The following DST variants were observed in gnomAD, a reference collection of about 807,000 sequenced individuals.
The protein encoded by DST is dystonin, also known as bullous pemphigoid antigen.
Under a neutral mutation model 875.2 loss-of-function variants are expected in DST, and 253 were observed. The ratio of observed to expected loss-of-function variants is 0.29; its 90% CI spans 0.26 to 0.32. The LOEUF (loss-of-function observed/expected upper bound fraction) is 0.32, where lower values mean the gene tolerates loss of function less well. Among genes scored for constraint, DST ranks in the 10% least tolerant of loss-of-function variants. The pLI, the probability that DST is intolerant of heterozygous loss-of-function variation, is 1.00. For synonymous variants in DST, 3,124 were observed against 3,197.1 expected (o/e 0.98, Z 0.77); for missense variants, 8,287 against 9,111.6 (o/e 0.91, Z 3.68).
In DST at chr6:56,640,306, G is replaced by A. The variant is rs1421221075; in HGVS notation, c.2327C>T (p.Pro776Leu). ...TGGCTCTACTCCTGAACTGAAATTT[G>A]GAACTAATCCTGATGGGAAACCAGG... is the stretch of plus-strand genomic sequence containing the variant. Reference protein sequence around the residue: ...YTPGFPSGLVPNFSSGVEPNS... With the variant: ...YTPGFPSGLVLNFSSGVEPNS... The change falls in exon 18 of 104, where the codon CCA (proline) becomes CTA (leucine). Residue 776 changes from proline (P) to leucine (L), a missense_variant. Physicochemically the swap from Pro to Leu is moderately conservative, Grantham distance 98. Coordinates refer to ENST00000680361, the MANE Select transcript of DST (RefSeq NM_001374736.1). 1 of 1,614,150 alleles carries A rather than the reference G, an allele frequency of 6.2e-7. No individual in the cohort carries two copies. Among genetic ancestry groups the A allele is most frequent in the South Asian group, 1.1e-5 (1 of 91,078 alleles).
In DST at chr6:56,601,810, C is replaced by T; in HGVS notation, c.11308-134G>A. 6.9e-6 allele frequency: 4 copies of T among 576,218 alleles called. No individual in the cohort carries two copies. The South Asian group carries it at 1.1e-4, about 16-fold the overall frequency. The allele number at this position is 576,218 out of a possible 1,614,324, so 35.7% of individuals were successfully genotyped here. On this transcript the variant is annotated intron_variant, in intron 43 of 103. Coordinates refer to ENST00000680361, the MANE Select transcript of DST (RefSeq NM_001374736.1). ...AAGTTTTATGAATTTTTTTGCTATT[C>T]ATCAAAAATCTATTTATCATCTAGT...
chr6:56,923,463 C>CAA (rs57118743), intron 2 of DST, among the ~76,000 whole-genome samples: 1,169 of 48,656 alleles, frequency 0.024, 88 homozygotes, highest in African/African-American at 0.072. Flanking sequence ...GGCTCACTGG[C>CAA]AAAAAAAAAA....
intron 4 of DST, among the ~76,000 whole-genome samples, chr6:56,803,815 T>C (rs908035589): frequency 2.0e-5 from 3 of 152,224 alleles, no homozygotes; most frequent in African/African-American, 7.2e-5. Context: ...CTGTAGTTCA[T>C]GGAAAAATCT....
rs988509348 is a variant in DST, at chr6:56,472,285, G to C, written c.21995-63C>G. On this transcript the variant is annotated intron_variant, in intron 93 of 103. Coordinates refer to ENST00000680361, the MANE Select transcript of DST (RefSeq NM_001374736.1). ...AGGGTGCTGAAATGTGTTAAGGCTT[G>C]ACCTTTTTTGCTTCTAGCTAAGACT... 5 of 1,495,764 alleles carry C rather than the reference G, an allele frequency of 3.3e-6. No individual in the cohort carries two copies. The African/African-American group carries it at 5.6e-5, about 17-fold the overall frequency. The allele number at this position is 1,495,764 out of a possible 1,614,324, so 92.7% of individuals were successfully genotyped here.
intron 9 of DST, among the ~76,000 whole-genome samples, chr6:56,683,283 C>A (rs1013000114): frequency 6.6e-6 from 1 of 152,144 alleles, no homozygotes; most frequent in Non-Finnish European, 1.5e-5. Flanking sequence ...TGATACACCT[C>A]GAATAATATT....
chr6:56,595,622 C>T (rs2152691760), intron 47 of DST, among the ~76,000 whole-genome samples: 1 of 152,292 alleles, frequency 6.6e-6, no homozygotes, highest in Non-Finnish European at 1.5e-5. Context: ...ACTTGTAAGT[C>T]TGATCCCAAT....
intron 61 of DST, 139 bp downstream of exon 61, chr6:56,552,045 C>A (rs904099330): frequency 8.2e-6 from 8 of 970,210 alleles, no homozygotes; most frequent in Non-Finnish European, 1.2e-5. Flanking sequence ...GGTGTTACCC[C>A]CATATATGCT....
At chr6:56,583,476 A>C (rs1326251918) in intron 49 of DST, among the ~76,000 whole-genome samples, 1 of 152,034 alleles carries the variant, frequency 6.6e-6, no homozygotes. Flanking sequence ...GTTGGAGTTC[A>C]TTGTAGATTC....
Position 56,529,786 on chromosome 6 carries a change from T to A in DST, c.17269-12A>T. 6.6e-7 allele frequency: 1 copy of A among 1,506,852 alleles called. No individual in the cohort carries two copies. Among genetic ancestry groups the A allele is most frequent in the Non-Finnish European group, 8.8e-7 (1 of 1,131,012 alleles). 93.3% of individuals were successfully genotyped at this position (1,506,852 alleles called of 1,614,324 possible). A position where few individuals can be genotyped will look rare whatever the true frequency, so the allele number is the denominator to read the frequency against. On this transcript the variant is annotated splice_polypyrimidine_tract_variant and intron_variant, in intron 65 of 103. Coordinates refer to ENST00000680361, the MANE Select transcript of DST (RefSeq NM_001374736.1). Reference sequence around the variant, plus strand: ...TCATCTTCTAAGGCCTAAGCAAAGTTTAAAAAAATAAAGAAGAAAAACAAA... The same window carrying A: ...TCATCTTCTAAGGCCTAAGCAAAGTATAAAAAAATAAAGAAGAAAAACAAA...
At chr6:56,507,726 C>T (rs994334286) in intron 75 of DST, among the ~76,000 whole-genome samples, 3 of 152,060 alleles carry the variant, frequency 2.0e-5, no homozygotes, top group African/African-American at 7.2e-5. Flanking sequence ...GGTAAAGGAG[C>T]AAGAGAAAAA....
At chr6:56,562,243 T>C (rs1397127182) in intron 55 of DST, 43 bp from the exon 56 acceptor site, 2 of 1,353,268 alleles carry the variant, frequency 1.5e-6, no homozygotes, top group South Asian at 1.5e-5. Context: ...TTTCATAGTA[T>C]TTCTATACAT....
chr6:56,651,993 T>C (rs1306838049), intron 10 of DST, among the ~76,000 whole-genome samples: 2 of 152,208 alleles, frequency 1.3e-5, no homozygotes, highest in African/African-American at 4.8e-5. Context: ...TCAACAAATA[T>C]CTACTGATAA....
chr6:56,813,660 T>C (rs2099763367), intron 4 of DST, among the ~76,000 whole-genome samples: 1 of 152,180 alleles, frequency 6.6e-6, no homozygotes, highest in Non-Finnish European at 1.5e-5. Flanking sequence ...CAGAAAAACA[T>C]TCTTTTAAGC....
At position 56,900,601 on chromosome 6, in the gene DST, C is replaced by T; in HGVS notation, c.237G>A (p.Arg79=). 7.3e-7 allele frequency: 1 copy of T among 1,367,596 alleles called. No individual in the cohort carries two copies. Among genetic ancestry groups the T allele is most frequent in the Non-Finnish European group, 9.8e-7 (1 of 1,021,828 alleles). 84.7% of individuals were successfully genotyped at this position (1,367,596 alleles called of 1,614,324 possible). A position where few individuals can be genotyped will look rare whatever the true frequency, so the allele number is the denominator to read the frequency against. ...CCGCTGCAACTCGTCTTCTAAGATG[C>T]CGAGGGCTTGCTCTGAATCCCTGTG... is the stretch of plus-strand genomic sequence containing the variant. ...FRSEGFRASP[R]HLRRRVAAAA... The change falls in exon 3 of 104, where the codon CGG becomes CGA. Residue 79 remains arginine (R), a synonymous_variant. Coordinates refer to ENST00000680361, the MANE Select transcript of DST (RefSeq NM_001374736.1).
chr6:56,753,876 T>A (rs1444259896), intron 4 of DST, among the ~76,000 whole-genome samples: 1 of 152,196 alleles, frequency 6.6e-6, no homozygotes, highest in African/African-American at 2.4e-5. Context: ...AACTAGACAC[T>A]TGTTCATAGT....
In DST at chr6:56,607,461, G is replaced by A. The variant is rs769581349; in HGVS notation, c.7167C>T (p.Asn2389=). Residue 2389 remains asparagine (N), a synonymous_variant, in exon 40 of 104, where the codon AAC becomes AAT. Transcript: ENST00000680361. ...ERANECSHSK[N]IQNFPSDLIE... is the part of the protein sequence containing the mutation. Reference sequence around the variant, plus strand: ...TTAAATCACTTGGAAAGTTTTGAATGTTTTTAGAATGACTACATTCATTTG... The same window carrying A: ...TTAAATCACTTGGAAAGTTTTGAATATTTTTAGAATGACTACATTCATTTG... The A allele has an allele frequency of 3.7e-6, 6 of 1,601,832 alleles. No individual in the cohort carries two copies. The highest frequency in any genetic ancestry group is 3.5e-5 in the Admixed American group (2 of 57,928).
chr6:56,733,611 C>T (rs1053477468), intron 5 of DST, among the ~76,000 whole-genome samples: 2 of 152,204 alleles, frequency 1.3e-5, no homozygotes, highest in Non-Finnish European at 2.9e-5. Context: ...AGCCTGGACA[C>T]ACCACCATTT....
chr6:56,614,914 T>C lies in DST; in HGVS notation c.4930-430A>G, dbSNP rs140470023. 268 of 991,186 alleles carry C rather than the reference T, an allele frequency of 2.7e-4. 1 individual carries two copies. The East Asian group carries it at 0.018, about 67-fold the overall frequency. The allele number at this position is 991,186 out of a possible 1,614,324, so 61.4% of individuals were successfully genotyped here. A position where few individuals can be genotyped will look rare whatever the true frequency, so the allele number is the denominator to read the frequency against. ...AAAATACACAGAATGAAGAAAATCC[T>C]TCCCCTCCTCCAACACATAATATTC... On this transcript the variant is annotated intron_variant, in intron 36 of 103. Coordinates refer to ENST00000680361, the MANE Select transcript of DST (RefSeq NM_001374736.1).
At chr6:56,501,883 T>C in intron 78 of DST, among the ~76,000 whole-genome samples, 190 bp from the exon 79 acceptor site, 1 of 152,130 alleles carries the variant, frequency 6.6e-6, no homozygotes. Flanking sequence ...ATATTTTCTC[T>C]TTATTCAATA....
Sources: allele counts gnomAD v4.1 joint callset (sites outside exome capture counted in the v4.1 genomes callset), GRCh38; gene constraint gnomAD v4.1.1; transcripts MANE v1.5; gene names NCBI Gene and HGNC (gene_info 2026-07-23, HGNC 2026-07-21).